The following GPR158 variants were observed in gnomAD, a reference collection of about 807,000 sequenced individuals.
GPR158 encodes the protein G protein-coupled receptor 158, also known as metabotropic glycine receptor.
GPR158 carries 30 observed loss-of-function variants against 78.2 expected under a neutral mutation model. The observed-to-expected ratio is 0.38, with a 90% CI of 0.29 to 0.52. The LOEUF (loss-of-function observed/expected upper bound fraction) is 0.52. Among genes scored for constraint, GPR158 ranks in the 20% least tolerant of loss-of-function variants. GPR158 has a pLI of 0.83. For missense variants in GPR158, 1,463 were observed against 1,523.5 expected (o/e 0.96, Z 0.66); for synonymous variants, 581 against 591.1 (o/e 0.98, Z 0.25).
chr10:25,472,571 G>A (rs190604221), intron 5 of GPR158, among the ~76,000 whole-genome samples: 14 of 152,262 alleles, frequency 9.2e-5, no homozygotes, highest in East Asian at 5.8e-4. Context: ...CCATTTTCAC[G>A]ATATTGACTC....
chr10:25,453,234 T>C (rs769229647), intron 4 of GPR158, among the ~76,000 whole-genome samples: 9 of 152,208 alleles, frequency 5.9e-5, no homozygotes, highest in Admixed American at 1.3e-4. Context: ...CCTTTGAATA[T>C]ATATCTGTTA....
intron 5 of GPR158, among the ~76,000 whole-genome samples, chr10:25,513,408 T>TTC (rs573985847): frequency 6.6e-6 from 1 of 152,180 alleles, no homozygotes; most frequent in Non-Finnish European, 1.5e-5. Context: ...TATTTGGATC[T>TTC]TCTCTCTTGT....
intron 2 of GPR158, among the ~76,000 whole-genome samples, chr10:25,362,576 T>G (rs1166035047): frequency 6.6e-6 from 1 of 151,934 alleles, no homozygotes; most frequent in Non-Finnish European, 1.5e-5. Context: ...TTTCAATCCA[T>G]GAACATGGGA....
chr10:25,335,444 G>A (rs1274163618), intron 2 of GPR158, among the ~76,000 whole-genome samples: 1 of 152,128 alleles, frequency 6.6e-6, no homozygotes, highest in Admixed American at 6.5e-5. Context: ...TGTTGAATCT[G>A]TACTAAAATA....
At chr10:25,438,593 A>C (rs1398382163) in intron 4 of GPR158, among the ~76,000 whole-genome samples, 1 of 152,246 alleles carries the variant, frequency 6.6e-6, no homozygotes, top group East Asian at 1.9e-4. Context: ...CTTCAGTTAC[A>C]AATGGAAAAA....
At chr10:25,452,344 C>T (rs1176011322) in intron 4 of GPR158, among the ~76,000 whole-genome samples, 1 of 152,142 alleles carries the variant, frequency 6.6e-6, no homozygotes, top group Non-Finnish European at 1.5e-5. Flanking sequence ...CGATACCTGG[C>T]CAAAATTGGC....
intron 5 of GPR158, among the ~76,000 whole-genome samples, chr10:25,468,895 GACAA>G (rs1260210628): frequency 1.3e-5 from 2 of 152,180 alleles, no homozygotes; most frequent in Non-Finnish European, 2.9e-5. Context: ...AATACAATGT[GACAA>G]ACACTAAGAA....
chr10:25,227,307 A>C (rs1853387638), intron 2 of GPR158, among the ~76,000 whole-genome samples: 1 of 152,172 alleles, frequency 6.6e-6, no homozygotes, highest in Admixed American at 6.5e-5. Flanking sequence ...GAGAGAGAGA[A>C]AATCTGTAGT....
chr10:25,366,579 AAATCT>A (rs1564434308), intron 2 of GPR158, among the ~76,000 whole-genome samples: 2 of 151,732 alleles, frequency 1.3e-5, no homozygotes, highest in African/African-American at 4.8e-5. Context: ...AGAACATATA[AAATCT>A]ACTCTCAGCA....
intron 1 of GPR158, among the ~76,000 whole-genome samples, chr10:25,187,228 G>A (rs1376136697): frequency 6.6e-6 from 1 of 151,356 alleles, no homozygotes; most frequent in East Asian, 2.0e-4. Flanking sequence ...GCCTCCCAAA[G>A]TGCTGGGATT....
intron 2 of GPR158, among the ~76,000 whole-genome samples, chr10:25,254,542 TAAATG>T (rs1470420914): frequency 2.0e-5 from 3 of 152,152 alleles, no homozygotes; most frequent in Non-Finnish European, 4.4e-5. Flanking sequence ...GGCTCATAAA[TAAATG>T]AGATGGGGAT....
intron 2 of GPR158, among the ~76,000 whole-genome samples, chr10:25,298,343 T>G (rs746663772): frequency 1.3e-5 from 2 of 152,220 alleles, no homozygotes; most frequent in Non-Finnish European, 2.9e-5. Flanking sequence ...AGGCAATCTT[T>G]TAAAACAGGT....
At chr10:25,249,703 A>G (rs964258432) in intron 2 of GPR158, among the ~76,000 whole-genome samples, 16 of 151,810 alleles carry the variant, frequency 1.1e-4, no homozygotes, top group Non-Finnish European at 2.4e-4. Context: ...GTGCTGCTGG[A>G]TTCGGTTTGC....
In GPR158 at chr10:25,601,831, A is replaced by C. The variant is rs1289835354; in HGVS notation, c.*2557A>C. 1 of 152,648 alleles carries C rather than the reference A, an allele frequency of 6.6e-6. No homozygotes were observed. The highest frequency in any genetic ancestry group is 2.4e-5 in the African/African-American group (1 of 41,452). 9.5% of individuals were successfully genotyped at this position (152,648 alleles called of 1,614,324 possible). Reference sequence around the variant, plus strand: ...TGTCCTTGTTTTTAAGCCAGGGTTTATAAATAAGTAGATTTATACCAATCT... The same window carrying C: ...TGTCCTTGTTTTTAAGCCAGGGTTTCTAAATAAGTAGATTTATACCAATCT... On this transcript the variant is annotated 3_prime_UTR_variant, in exon 11 of 11. Transcript: ENST00000376351.
intron 5 of GPR158, among the ~76,000 whole-genome samples, chr10:25,529,482 C>G (rs750379444): frequency 4.6e-5 from 7 of 152,134 alleles, no homozygotes; most frequent in Non-Finnish European, 7.3e-5. Flanking sequence ...CAAAAAGCAT[C>G]TTTTGGAAGC....
chr10:25,597,385 C>G (rs1837423182), intron 10 of GPR158, among the ~76,000 whole-genome samples: 1 of 152,176 alleles, frequency 6.6e-6, no homozygotes, highest in Non-Finnish European at 1.5e-5. Flanking sequence ...GTCCTCACAA[C>G]TTGAATGTAC....
At chr10:25,317,330 G>T (rs1376657872) in intron 2 of GPR158, among the ~76,000 whole-genome samples, 1 of 152,064 alleles carries the variant, frequency 6.6e-6, no homozygotes, top group Non-Finnish European at 1.5e-5. Flanking sequence ...TTACAGGTGT[G>T]AGCCACTACA....
chr10:25,205,850 G>T (rs1268952478), intron 1 of GPR158, among the ~76,000 whole-genome samples: 1 of 151,886 alleles, frequency 6.6e-6, no homozygotes, highest in African/African-American at 2.4e-5. Flanking sequence ...TTTTATGGCT[G>T]ATTCTTTAGA....
intron 2 of GPR158, among the ~76,000 whole-genome samples, chr10:25,328,129 C>T (rs2130488050): frequency 6.6e-6 from 1 of 152,158 alleles, no homozygotes; most frequent in South Asian, 2.1e-4. Context: ...TGGAATGTAC[C>T]TGAATAAGAA....
Sources: allele counts gnomAD v4.1 joint callset (sites outside exome capture counted in the v4.1 genomes callset), GRCh38; gene constraint gnomAD v4.1.1; transcripts MANE v1.5; gene names NCBI Gene and HGNC (gene_info 2026-07-23, HGNC 2026-07-21).